Variants in ZNF552 observed in about 807,000 individuals in gnomAD.
The protein encoded by ZNF552 is zinc finger protein 552.
ZNF552 carries 2 observed loss-of-function variants against 7.2 expected under a neutral mutation model. That is an observed-to-expected ratio of 0.28 (90% CI 0.11 to 0.88). ZNF552 has a LOEUF of 0.88. Ranked by LOEUF, ZNF552 falls within the 40% of genes least tolerant of loss-of-function variation. The probability of loss-of-function intolerance (pLI) is 0.60; values close to 1 mark genes in which losing one functional copy is unlikely to be tolerated. For synonymous variants in ZNF552, 173 were observed against 176.5 expected (o/e 0.98, Z 0.16); for missense variants, 421 against 493.4 (o/e 0.85, Z 1.39).
chr19:57,808,584 AGT>A lies in ZNF552; in HGVS notation c.678_679del (p.Leu227GlnfsTer17), dbSNP rs759378155. 164 of 1,614,038 alleles carry A rather than the reference AGT, an allele frequency of 1.0e-4. 1 individual carries two copies. The highest frequency in any genetic ancestry group is 1.3e-4 in the Non-Finnish European group (150 of 1,180,040). On this transcript the variant is annotated frameshift_variant, in exon 3 of 3. Transcript: ENST00000391701. LOFTEE classifies it low-confidence loss of function (END_TRUNC). ...AGGGAGCAGTCTCTCGTGCTGACTG[AGT>A]ATATCTTTGGTGCTAAAATGTTTCA...
chr19:57,811,299 G>A (rs534841637), intron 2 of ZNF552, among the ~76,000 whole-genome samples: 4 of 151,872 alleles, frequency 2.6e-5, no homozygotes, highest in South Asian at 4.1e-4. Flanking sequence ...CAGCCTCTCC[G>A]AGTAGCTGGG....
chr19:57,808,384 T>C lies in ZNF552; in HGVS notation c.880A>G (p.Lys294Glu). ...LVHQRIHTGE[K>E]PYECEVCQKF... ...TGACAAACCTCACACTCATATGGCTTCTCTCCAGTGTGAATTCTCTGGTGT... is the reference window on the plus strand; with the variant it reads ...TGACAAACCTCACACTCATATGGCTCCTCTCCAGTGTGAATTCTCTGGTGT... Residue 294 changes from lysine to glutamate, a missense_variant, in exon 3 of 3, where the codon AAG (lysine) becomes GAG (glutamate). Around this residue, in one of 2 missense-constraint regions of ZNF552, gnomAD observed 299 missense variants for 293.7 expected, o/e 1.02. Coordinates refer to ENST00000391701, the MANE Select transcript of ZNF552 (RefSeq NM_024762.3). The C allele has an allele frequency of 6.2e-7, 1 of 1,613,646 alleles. No homozygotes were observed. The highest frequency in any genetic ancestry group is 8.5e-7 in the Non-Finnish European group (1 of 1,179,732).
intron 2 of ZNF552, 40 bp downstream of exon 2, chr19:57,813,254 A>G: frequency 1.9e-6 from 3 of 1,609,770 alleles, no homozygotes; most frequent in Admixed American, 3.4e-5. Flanking sequence ...GGAAAGACAG[A>G]GACTAGCTCA....
chr19:57,814,475 G>C (rs1054434244), intron 1 of ZNF552: 29 of 1,529,810 alleles, frequency 1.9e-5, no homozygotes, highest in Non-Finnish European at 2.5e-5. Flanking sequence ...GTGGACCCCA[G>C]GTTCCATCCT....
In ZNF552 at chr19:57,808,664, C is replaced by T. The variant is rs147213204; in HGVS notation, c.600G>A (p.Glu200=). Residue 200 remains glutamate, a synonymous_variant, in exon 3 of 3, where the codon GAG becomes GAA. Coordinates refer to ENST00000391701, the MANE Select transcript of ZNF552 (RefSeq NM_024762.3). ...THTGKSNSKT[E]CVSLFHGGKS... Reference sequence around the variant, plus strand: ...TTCCCCCATGAAACAGAGACACACACTCAGTTTTGCTGTTTGACTTCCCAG... The same window carrying T: ...TTCCCCCATGAAACAGAGACACACATTCAGTTTTGCTGTTTGACTTCCCAG... The T allele has an allele frequency of 5.4e-4, 865 of 1,614,066 alleles. No homozygotes were observed. The highest frequency in any genetic ancestry group is 7.8e-4 in the Admixed American group (47 of 60,002).
intron 2 of ZNF552, among the ~76,000 whole-genome samples, chr19:57,812,873 A>G (rs1987883200): frequency 6.6e-6 from 1 of 152,192 alleles, no homozygotes; most frequent in Non-Finnish European, 1.5e-5. Context: ...CAGACCTATG[A>G]AGAGAATTTC....
At position 57,807,880 on chromosome 19, in the gene ZNF552, C is replaced by T; in HGVS notation, c.*160G>A. ...ATACAGAGGTGTGGCTACAAAACTG[C>T]CCAAATTTATTTTACTTGTAAGGAC... On this transcript the variant is annotated 3_prime_UTR_variant, in exon 3 of 3. Transcript: ENST00000391701. 1 of 1,054,428 alleles carries T rather than the reference C, an allele frequency of 9.5e-7. No homozygotes were observed. Among genetic ancestry groups the T allele is most frequent in the Non-Finnish European group, 1.3e-6 (1 of 752,640 alleles). 65.3% of individuals were successfully genotyped at this position (1,054,428 alleles called of 1,614,324 possible).
chr19:57,814,386 C>T (rs1987917224), intron 1 of ZNF552: 1 of 825,644 alleles, frequency 1.2e-6, no homozygotes, highest in Non-Finnish European at 1.9e-6. Flanking sequence ...CTAGTGTCCT[C>T]GCAATGATTT....
At position 57,808,478 on chromosome 19, in the gene ZNF552, G is replaced by A. The variant is rs1170347911; in HGVS notation, c.786C>T (p.His262=). The change falls in exon 3 of 3, where the codon CAC becomes CAT. Residue 262 remains histidine, a synonymous_variant. Transcript: ENST00000391701. The part of the protein sequence containing the change: ...YDSFSNHQGV[H]TREKPYTCGI... ...CACACGTATAAGGTTTTTCTCTAGT[G>A]TGAACTCCTTGATGATTACTGAAGC... 5 of 1,613,762 alleles carry A rather than the reference G, an allele frequency of 3.1e-6. No individual in the cohort carries two copies. In the South Asian group the frequency reaches 4.4e-5, roughly 14 times the overall value.
rs770028548 is a variant in ZNF552, at chr19:57,808,437, A to G, written c.827T>C (p.Leu276Ser). The change falls in exon 3 of 3, where the codon TTA (leucine) becomes TCA (serine). Residue 276 changes from leucine to serine, a missense_variant. This residue lies in a region of ZNF552 where 299 missense variants were observed against 293.7 expected (regional missense o/e 1.02). Coordinates refer to ENST00000391701, the MANE Select transcript of ZNF552 (RefSeq NM_024762.3). ...KPYTCGICGK[L>S]FNSKSHLLVH... ...AAGGAGGTGGGACTTACTGTTAAAT[A>G]ATTTCCCACATATCCCACACGTATA... The G allele has an allele frequency of 6.2e-7, 1 of 1,613,888 alleles. No individual in the cohort carries two copies. Among genetic ancestry groups the G allele is most frequent in the East Asian group, 2.2e-5 (1 of 44,868 alleles).
chr19:57,814,847 A>G lies in ZNF552; in HGVS notation c.-104T>C. 1 of 1,215,268 alleles carries G rather than the reference A, an allele frequency of 8.2e-7. No individual in the cohort carries two copies. 75.3% of individuals were successfully genotyped at this position (1,215,268 alleles called of 1,614,324 possible). A position where few individuals can be genotyped will look rare whatever the true frequency, so the allele number is the denominator to read the frequency against. ...GAACGACTCTCGACCTCCTGGATCCAGTCACCACCACGGTCCCAACACAGC... is the reference window on the plus strand; with the variant it reads ...GAACGACTCTCGACCTCCTGGATCCGGTCACCACCACGGTCCCAACACAGC... On this transcript the variant is annotated 5_prime_UTR_variant, in exon 1 of 3. Transcript: ENST00000391701.
At chr19:57,812,411 T>A (rs1439518523) in intron 2 of ZNF552, among the ~76,000 whole-genome samples, 1 of 151,978 alleles carries the variant, frequency 6.6e-6, no homozygotes, top group East Asian at 1.9e-4. Flanking sequence ...CAGATTCATT[T>A]GCATCTTCTG....
In ZNF552 at chr19:57,807,316, TGA is replaced by T. The variant is rs1987759817; in HGVS notation, c.*722_*723del. 6.6e-6 allele frequency: 1 copy of T among 152,200 alleles called. No homozygotes were observed. Among genetic ancestry groups the T allele is most frequent in the Non-Finnish European group, 1.5e-5 (1 of 68,036 alleles). The allele number at this position is 152,200 out of a possible 1,614,324, so 9.4% of individuals were successfully genotyped here. A position where few individuals can be genotyped will look rare whatever the true frequency, so the allele number is the denominator to read the frequency against. ...GCTCACGCCTGCAATCCCAACACTTTGAGAGGCCAAGGCGGGCAGATCACGAG... is the reference window on the plus strand; with the variant it reads ...GCTCACGCCTGCAATCCCAACACTTTGAGGCCAAGGCGGGCAGATCACGAG... On this transcript the variant is annotated 3_prime_UTR_variant, in exon 3 of 3. Transcript: ENST00000391701.
At position 57,808,006 on chromosome 19, in the gene ZNF552, T is replaced by TC. The variant is rs1987773600; in HGVS notation, c.*33dup. 6.4e-7 allele frequency: 1 copy of TC among 1,554,618 alleles called. No individual in the cohort carries two copies. The highest frequency in any genetic ancestry group is 8.7e-7 in the Non-Finnish European group (1 of 1,151,330). On this transcript the variant is annotated 3_prime_UTR_variant, in exon 3 of 3. Transcript: ENST00000391701. Reference sequence around the variant, plus strand: ...CACAGGATCTTACTCAGGTGTGTATTCTCCAATATTTAATGAGACTGGACT... The same window carrying TC: ...CACAGGATCTTACTCAGGTGTGTATTCCTCCAATATTTAATGAGACTGGACT...
intron 2 of ZNF552, among the ~76,000 whole-genome samples, chr19:57,811,003 T>G (rs201773086): frequency 6.6e-6 from 1 of 152,166 alleles, no homozygotes; most frequent in Non-Finnish European, 1.5e-5. Flanking sequence ...TTTGTTCACA[T>G]GTTTTCCTGC....
At position 57,808,229 on chromosome 19, in the gene ZNF552, A is replaced by C; in HGVS notation, c.1035T>G (p.Val345=). ...HSSTFRVHKR[V]HTGQKPYECS... ...ACTCATAAGGCTTCTGACCAGTGTG[A>C]ACTCTCTTATGAACACGGAATGTAG... Residue 345 remains valine (V), a synonymous_variant, in exon 3 of 3, where the codon GTT becomes GTG. Coordinates refer to ENST00000391701, the MANE Select transcript of ZNF552 (RefSeq NM_024762.3). The C allele has an allele frequency of 1.9e-6, 3 of 1,614,152 alleles. No individual in the cohort carries two copies. Among genetic ancestry groups the C allele is most frequent in the Non-Finnish European group, 2.5e-6 (3 of 1,180,014 alleles).
chr19:57,808,287 C>T lies in ZNF552; in HGVS notation c.977G>A (p.Cys326Tyr). 1 of 1,614,096 alleles carries T rather than the reference C, an allele frequency of 6.2e-7. No individual in the cohort carries two copies. Among genetic ancestry groups the T allele is most frequent in the Non-Finnish European group, 8.5e-7 (1 of 1,180,010 alleles). Residue 326 changes from cysteine to tyrosine, a missense_variant, in exon 3 of 3, where the codon TGC (cysteine) becomes TAC (tyrosine). This residue lies in a region of ZNF552 where 299 missense variants were observed against 293.7 expected (regional missense o/e 1.02). Coordinates refer to ENST00000391701, the MANE Select transcript of ZNF552 (RefSeq NM_024762.3). ...GGTAAATGACTTCCCACAATCACTG[C>T]ATTCATATGGCCTTTCTCCAGTGTG... Reference protein sequence around the residue: ...RVHTGERPYECSDCGKSFTHS... With the variant: ...RVHTGERPYEYSDCGKSFTHS...
At chr19:57,812,628 G>GCA (rs1034822286) in intron 2 of ZNF552, among the ~76,000 whole-genome samples, 3 of 152,200 alleles carry the variant, frequency 2.0e-5, no homozygotes, top group African/African-American at 7.2e-5. Flanking sequence ...GAGCGCAGTG[G>GCA]CACAATCTCA....
At chr19:57,813,461 T>C (rs1360047141) in intron 1 of ZNF552, 41 bp from the exon 2 acceptor site, 7 of 1,598,602 alleles carry the variant, frequency 4.4e-6, no homozygotes, top group Non-Finnish European at 6.0e-6. Context: ...ACCACCCCTA[T>C]GCTGAGGTAT....
Sources: allele counts gnomAD v4.1 joint callset (sites outside exome capture counted in the v4.1 genomes callset), GRCh38; gene constraint gnomAD v4.1.1; regional missense constraint gnomAD v4.1.1; transcripts MANE v1.5; gene names NCBI Gene and HGNC (gene_info 2026-07-23, HGNC 2026-07-21).